Variants in LONP1 observed in about 807,000 individuals in gnomAD.
LONP1 encodes the protein lon peptidase 1, mitochondrial.
Under a neutral mutation model 98.5 loss-of-function variants are expected in LONP1, and 31 were observed. That is an observed-to-expected ratio of 0.31 (90% CI 0.24 to 0.42). LONP1 has a LOEUF of 0.42. Ranked by LOEUF, LONP1 falls within the 20% of genes least tolerant of loss-of-function variation. LONP1 has a pLI of 1.00. For synonymous variants in LONP1, 781 were observed against 594.7 expected (o/e 1.31, Z -4.56); for missense variants, 1,336 against 1,350.6 (o/e 0.99, Z 0.17).
At chr19:5,699,564 T>TG (rs1568316449) in intron 9 of LONP1, among the ~76,000 whole-genome samples, 2 of 149,324 alleles carry the variant, frequency 1.3e-5, no homozygotes, top group African/African-American at 2.5e-5. Flanking sequence ...TGTTTTTTTT[T>TG]TTTTTTTTTT....
At chr19:5,707,905 C>A in intron 5 of LONP1, 79 bp from the exon 6 acceptor site, 3 of 1,517,438 alleles carry the variant, frequency 2.0e-6, no homozygotes, top group South Asian at 2.4e-5. Flanking sequence ...GGGACCCGGT[C>A]CTCAGGGTCC....
At position 5,694,407 on chromosome 19, in the gene LONP1, C is replaced by T. The variant is rs562553348; in HGVS notation, c.2300G>A (p.Gly767Glu). The T allele has an allele frequency of 6.2e-7, 1 of 1,613,504 alleles. No individual in the cohort carries two copies. The highest frequency in any genetic ancestry group is 1.1e-5 in the South Asian group (1 of 91,076). The change falls in exon 15 of 18, where the codon GGG (glycine) becomes GAG (glutamate). Residue 767 changes from glycine to glutamate, a missense_variant. By Grantham distance (98) the Gly-to-Glu change is moderately conservative (BLOSUM62 -2). This residue lies in a region of LONP1 where 555 missense variants were observed against 542.6 expected (regional missense o/e 1.02). Coordinates refer to ENST00000360614, the MANE Select transcript of LONP1 (RefSeq NM_004793.4). The part of the protein sequence containing the change: ...YDVTPPGVVM[G>E]LAWTAMGGST... Reference sequence around the variant, plus strand: ...CTCACCCATTGCGGTCCAGGCCAGCCCCATGACCACGCCGGGCGGTGTCAC... The same window carrying T: ...CTCACCCATTGCGGTCCAGGCCAGCTCCATGACCACGCCGGGCGGTGTCAC...
Position 5,705,735 on chromosome 19 carries a change from C to T in LONP1, c.1367+37G>A, listed in dbSNP as rs774379374. Reference sequence around the variant, plus strand: ...CCTAAGATGGGGGCTGAGGAGGGGTCACCTGAGGGCTGGGCCGCCCCGGGC... The same window carrying T: ...CCTAAGATGGGGGCTGAGGAGGGGTTACCTGAGGGCTGGGCCGCCCCGGGC... On this transcript the variant is annotated intron_variant, in intron 8 of 17. Transcript: ENST00000360614. 1.2e-5 allele frequency: 19 copies of T among 1,592,236 alleles called. No individual in the cohort carries two copies. The African/African-American group carries it at 1.9e-4, about 16-fold the overall frequency.
At position 5,700,882 on chromosome 19, in the gene LONP1, G is replaced by A. The variant is rs371214805; in HGVS notation, c.1413C>T (p.Gly471=). The part of the protein sequence containing the change: ...YLDWLTSIPW[G]KYSNENLDLA... Reference sequence around the variant, plus strand: ...GGTCCAGGTTCTCGTTGCTGTACTTGCCCCAAGGGATGGACGTGAGCCAGT... The same window carrying A: ...GGTCCAGGTTCTCGTTGCTGTACTTACCCCAAGGGATGGACGTGAGCCAGT... The change falls in exon 9 of 18, where the codon GGC becomes GGT. Residue 471 remains glycine (G), a synonymous_variant. Coordinates refer to ENST00000360614, the MANE Select transcript of LONP1 (RefSeq NM_004793.4). 2.7e-5 allele frequency: 44 copies of A among 1,614,078 alleles called. No individual in the cohort carries two copies. Among genetic ancestry groups the A allele is most frequent in the South Asian group, 4.4e-5 (4 of 91,086 alleles).
chr19:5,696,584 C>A lies in LONP1; in HGVS notation c.1773+86G>T, dbSNP rs189905611. On this transcript the variant is annotated intron_variant, in intron 11 of 17. Coordinates refer to ENST00000360614, the MANE Select transcript of LONP1 (RefSeq NM_004793.4). ...CACGGCGATGGCCCCTGAGTTGGCT[C>A]GGGGATCCTAGGACCCGGAAGGCTC... The A allele has an allele frequency of 4.9e-6, 7 of 1,429,410 alleles. No homozygotes were observed. The South Asian group carries it at 6.3e-5, about 13-fold the overall frequency. 88.5% of individuals were successfully genotyped at this position (1,429,410 alleles called of 1,614,324 possible).
intron 9 of LONP1, among the ~76,000 whole-genome samples, chr19:5,700,514 T>C (rs531358941): frequency 6.6e-6 from 1 of 152,258 alleles, no homozygotes; most frequent in Admixed American, 6.5e-5. Context: ...CTTCCTGGGC[T>C]CAAGTGATCC....
At chr19:5,703,416 C>T (rs1312303652) in intron 8 of LONP1, among the ~76,000 whole-genome samples, 3 of 152,036 alleles carry the variant, frequency 2.0e-5, no homozygotes, top group African/African-American at 7.2e-5. Flanking sequence ...GAGAGTGACG[C>T]TGAAGGTTGG....
At chr19:5,698,913 C>T (rs1165138735) in intron 10 of LONP1, 114 bp downstream of exon 10, 8 of 1,088,760 alleles carry the variant, frequency 7.3e-6, no homozygotes, top group East Asian at 3.0e-5. Context: ...TGAGTGGAAT[C>T]GGTTGCCCAC....
chr19:5,710,900 C>T (rs970335679), intron 4 of LONP1, among the ~76,000 whole-genome samples: 2 of 152,080 alleles, frequency 1.3e-5, no homozygotes, highest in African/African-American at 4.8e-5. Context: ...GTGGCACGTG[C>T]CTGCAATCCC....
intron 6 of LONP1, 83 bp downstream of exon 6, chr19:5,707,614 C>G (rs546587163): frequency 6.7e-7 from 1 of 1,498,940 alleles, no homozygotes; most frequent in Non-Finnish European, 9.1e-7. Flanking sequence ...TGAGGAGGAA[C>G]GGGGGCAGCC....
At chr19:5,701,991 T>C (rs1270704457) in intron 8 of LONP1, among the ~76,000 whole-genome samples, 1 of 147,080 alleles carries the variant, frequency 6.8e-6, no homozygotes, top group Admixed American at 6.8e-5. Context: ...CCCTGAGAAG[T>C]GAGGAGACCC....
chr19:5,692,148 C>G lies in LONP1; in HGVS notation c.2764G>C (p.Asp922His), dbSNP rs139476430. The change falls in exon 18 of 18, where the codon GAC (aspartate) becomes CAC (histidine). Residue 922 changes from aspartate to histidine, a missense_variant. Asp to His is a moderately conservative substitution (Grantham distance 81, BLOSUM62 -1). This residue lies in a region of LONP1 where 555 missense variants were observed against 542.6 expected (regional missense o/e 1.02). Coordinates refer to ENST00000360614, the MANE Select transcript of LONP1 (RefSeq NM_004793.4). Reference sequence around the variant, plus strand: ...CCCTCGGTGATGAAGGCTGCCAGGTCGTAGAAGTCCTTCTTGTTCTCGGCT... The same window carrying G: ...CCCTCGGTGATGAAGGCTGCCAGGTGGTAGAAGTCCTTCTTGTTCTCGGCT... ...LPAENKKDFY[D>H]LAAFITEGLE... 7.4e-6 allele frequency: 12 copies of G among 1,614,022 alleles called. No individual in the cohort carries two copies. The East Asian group carries it at 1.8e-4, about 24-fold the overall frequency.
intron 10 of LONP1, among the ~76,000 whole-genome samples, chr19:5,698,117 G>A (rs1468738960): frequency 1.7e-5 from 2 of 121,210 alleles, no homozygotes; most frequent in African/African-American, 3.3e-5. Context: ...AAGCTGCACT[G>A]GCCCCACCTC....
At chr19:5,697,027 AAGCC>A (rs2145586224) in intron 10 of LONP1, among the ~76,000 whole-genome samples, 1 of 152,298 alleles carries the variant, frequency 6.6e-6, no homozygotes, top group East Asian at 1.9e-4. Context: ...ACCATGGTGA[AAGCC>A]AGACAGGCGC....
At chr19:5,697,144 G>A (rs1320061074) in intron 10 of LONP1, among the ~76,000 whole-genome samples, 2 of 152,114 alleles carry the variant, frequency 1.3e-5, no homozygotes, top group Non-Finnish European at 2.9e-5. Context: ...CTCTCAGGAG[G>A]GCTTCCTGCA....
chr19:5,715,046 C>CAAAAAAAAAA (rs5826897), intron 1 of LONP1: 1 of 63,564 alleles, frequency 1.6e-5, no homozygotes, highest in Non-Finnish European at 2.8e-5. Context: ...AACGCCTAAA[C>CAAAAAAAAAA]AAAAAAAAAA....
rs2145580099 is a variant in LONP1, at chr19:5,694,815, G to T, written c.2100C>A (p.Ile700=). Residue 700 remains isoleucine (I), a synonymous_variant, in exon 14 of 18, where the codon ATC becomes ATA. Transcript: ENST00000360614. ...KLSSDVLTLL[I]KQYCRESGVR... ...CACCGCTCTCGCGGCAGTACTGCTT[G>T]ATGAGCAGCGTCAGCACGTCCGATG... 1 of 1,600,546 alleles carries T rather than the reference G, an allele frequency of 6.2e-7. No individual in the cohort carries two copies. The highest frequency in any genetic ancestry group is 8.5e-7 in the Non-Finnish European group (1 of 1,169,750).
intron 13 of LONP1, 137 bp downstream of exon 13, chr19:5,695,917 G>A (rs1202636840): frequency 1.3e-5 from 9 of 695,726 alleles, no homozygotes; most frequent in South Asian, 3.7e-5. Flanking sequence ...GTCTCTCACG[G>A]CCCCATCTGC....
intron 7 of LONP1, 32 bp downstream of exon 7, chr19:5,707,028 C>T: frequency 6.3e-7 from 1 of 1,588,432 alleles, no homozygotes; most frequent in Non-Finnish European, 8.6e-7. Flanking sequence ...GGAAGGCCCC[C>T]AAGAGTGGCT....
Sources: allele counts gnomAD v4.1 joint callset (sites outside exome capture counted in the v4.1 genomes callset), GRCh38; gene constraint gnomAD v4.1.1; regional missense constraint gnomAD v4.1.1; transcripts MANE v1.5; gene names NCBI Gene and HGNC (gene_info 2026-07-23, HGNC 2026-07-21).